The following KREMEN1 variants were observed in gnomAD, a reference collection of about 807,000 sequenced individuals.
The protein encoded by KREMEN1 is kremen protein 1.
KREMEN1 carries 30 observed loss-of-function variants against 46.5 expected under a neutral mutation model. That is an observed-to-expected ratio of 0.65 (90% CI 0.48 to 0.88). The LOEUF (loss-of-function observed/expected upper bound fraction) is 0.88. Ranked by LOEUF, KREMEN1 falls within the 40% of genes least tolerant of loss-of-function variation. The pLI is 0.00. For synonymous variants in KREMEN1, 214 were observed against 230.6 expected (o/e 0.93, Z 0.65); for missense variants, 533 against 596.9 (o/e 0.89, Z 1.11).
chr22:29,132,464 A>G (rs950551239), intron 5 of KREMEN1, among the ~76,000 whole-genome samples: 13 of 152,118 alleles, frequency 8.5e-5, no homozygotes, highest in African/African-American at 2.9e-4. Context: ...TCCAAAGTGG[A>G]TGTGCCATTT....
At chr22:29,081,807 C>G (rs1242479938) in intron 1 of KREMEN1, among the ~76,000 whole-genome samples, 1 of 152,220 alleles carries the variant, frequency 6.6e-6, no homozygotes, top group East Asian at 1.9e-4. Context: ...TAGGACTTAT[C>G]CCTGTGCCAA....
At chr22:29,095,310 G>T (rs1204647015) in intron 2 of KREMEN1, among the ~76,000 whole-genome samples, 1 of 152,186 alleles carries the variant, frequency 6.6e-6, no homozygotes, top group Non-Finnish European at 1.5e-5. Context: ...CATCTATGGT[G>T]CTTCAAAAGT....
chr22:29,131,790 G>A (rs1383738586), intron 5 of KREMEN1, among the ~76,000 whole-genome samples: 7 of 132,664 alleles, frequency 5.3e-5, no homozygotes, highest in African/African-American at 1.7e-4. Context: ...ATAGTTTTGT[G>A]TTTTGCAGAA....
At chr22:29,130,258 C>A (rs1179191798) in intron 5 of KREMEN1, among the ~76,000 whole-genome samples, 1 of 152,106 alleles carries the variant, frequency 6.6e-6, no homozygotes, top group Non-Finnish European at 1.5e-5. Flanking sequence ...TTCATGGAAC[C>A]TTTATTTTAG....
intron 1 of KREMEN1, among the ~76,000 whole-genome samples, chr22:29,084,043 A>G (rs889508092): frequency 1.3e-5 from 2 of 152,086 alleles, no homozygotes; most frequent in Admixed American, 1.3e-4. Context: ...GAGGTCCCGG[A>G]ACTGAGGGAT....
intron 3 of KREMEN1, among the ~76,000 whole-genome samples, chr22:29,114,481 C>CGT (rs1206440635): frequency 1.1e-5 from 1 of 88,402 alleles, no homozygotes; most frequent in Non-Finnish European, 2.0e-5. Flanking sequence ...AGTGAAACTC[C>CGT]GTGTCAAAAA....
intron 1 of KREMEN1, among the ~76,000 whole-genome samples, chr22:29,091,954 C>A (rs1481466621): frequency 6.6e-6 from 1 of 152,156 alleles, no homozygotes; most frequent in Non-Finnish European, 1.5e-5. Flanking sequence ...GGCCGAAGCA[C>A]AGCGAGTGAG....
intron 1 of KREMEN1, among the ~76,000 whole-genome samples, chr22:29,075,969 C>T (rs1043106717): frequency 5.9e-5 from 9 of 152,198 alleles, no homozygotes; most frequent in African/African-American, 1.7e-4. Context: ...AATGATCTCC[C>T]TTCTTTTCAT....
In KREMEN1 at chr22:29,145,747, C is replaced by A. The variant is rs182453053; in HGVS notation, c.*3635C>A. The A allele has an allele frequency of 3.0e-6, 3 of 985,430 alleles. No homozygotes were observed. Among genetic ancestry groups the A allele is most frequent in the South Asian group, 4.7e-5 (1 of 21,294 alleles). The allele number at this position is 985,430 out of a possible 1,614,324, so 61.0% of individuals were successfully genotyped here. ...AGGACAGGCTTGAGGCCTCTCTGGG[C>A]GTGAGCGAGGAAACCAGGCTGCTCT... On this transcript the variant is annotated 3_prime_UTR_variant, in exon 9 of 9. Coordinates refer to ENST00000400335, the MANE Select transcript of KREMEN1 (RefSeq NM_001039570.3).
intron 3 of KREMEN1, among the ~76,000 whole-genome samples, chr22:29,112,472 A>C (rs1341291027): frequency 6.6e-6 from 1 of 152,286 alleles, no homozygotes; most frequent in South Asian, 2.1e-4. Flanking sequence ...TTCAAATGTA[A>C]CAATGTTTAG....
chr22:29,124,017 C>A (rs1354358560), intron 4 of KREMEN1, among the ~76,000 whole-genome samples: 1 of 151,988 alleles, frequency 6.6e-6, no homozygotes, highest in Non-Finnish European at 1.5e-5. Context: ...AAGTTTGGCA[C>A]TTTTTTATAA....
intron 3 of KREMEN1, among the ~76,000 whole-genome samples, chr22:29,109,003 T>C (rs979829072): frequency 2.0e-5 from 3 of 152,190 alleles, no homozygotes; most frequent in African/African-American, 7.2e-5. Flanking sequence ...TTGCCCAGGC[T>C]GGTCTCAAAC....
In KREMEN1 at chr22:29,121,589, G is replaced by A. The variant is rs151282239; in HGVS notation, c.477+108G>A. On this transcript the variant is annotated intron_variant, in intron 4 of 8. Transcript: ENST00000400335. ...AAGTAAAATAAGCCAGACACAAAAG[G>A]CCACATATTGTATGATTCCACTTAC... 2.8e-3 allele frequency: 3,315 copies of A among 1,189,824 alleles called. 138 individuals carry two copies. In the Admixed American group the frequency reaches 0.063, roughly 22 times the overall value. The allele number at this position is 1,189,824 out of a possible 1,614,324, so 73.7% of individuals were successfully genotyped here.
At chr22:29,112,122 G>A (rs1038364651) in intron 3 of KREMEN1, among the ~76,000 whole-genome samples, 4 of 151,960 alleles carry the variant, frequency 2.6e-5, no homozygotes, top group East Asian at 3.9e-4. Context: ...CTTCCTCTTC[G>A]TGGACCAGCA....
chr22:29,122,147 A>T (rs2145815553), intron 4 of KREMEN1, among the ~76,000 whole-genome samples: 1 of 152,320 alleles, frequency 6.6e-6, no homozygotes, highest in South Asian at 2.1e-4. Context: ...AAAATCAGCA[A>T]AAAATTTGAA....
intron 3 of KREMEN1, 39 bp from the exon 4 acceptor site, chr22:29,121,318 A>G: frequency 6.2e-7 from 1 of 1,610,920 alleles, no homozygotes; most frequent in African/African-American, 1.3e-5. Context: ...TTTCACAGCC[A>G]GATGTTGCGA....
rs762203084 is a variant in KREMEN1, at chr22:29,140,328, A to G, written c.1170A>G (p.Thr390=). 2 of 1,614,180 alleles carry G rather than the reference A, an allele frequency of 1.2e-6. No homozygotes were observed. Among genetic ancestry groups the G allele is most frequent in the Non-Finnish European group, 1.7e-6 (2 of 1,179,984 alleles). Residue 390 remains threonine (T), a synonymous_variant, in exon 8 of 9, where the codon ACA becomes ACG. Coordinates refer to ENST00000400335, the MANE Select transcript of KREMEN1 (RefSeq NM_001039570.3). ...CAACTCTCCTCATCCTCACAGTCAC[A>G]GCCATTGTAGCAAAGATACTTCTGC... ...GLATLLILTV[T]AIVAKILLHV...
chr22:29,123,210 T>C (rs1396349174), intron 4 of KREMEN1, among the ~76,000 whole-genome samples: 1 of 151,990 alleles, frequency 6.6e-6, no homozygotes. Context: ...CATTTTAATT[T>C]GGACTTCATA....
intron 9 of KREMEN1, among the ~76,000 whole-genome samples, chr22:29,152,429 C>T (rs1363075173): frequency 2.0e-5 from 3 of 152,218 alleles, no homozygotes; most frequent in Non-Finnish European, 2.9e-5. Flanking sequence ...AACCATCAGC[C>T]GAACTCCCAG....
Sources: allele counts gnomAD v4.1 joint callset (sites outside exome capture counted in the v4.1 genomes callset), GRCh38; gene constraint gnomAD v4.1.1; transcripts MANE v1.5; gene names NCBI Gene and HGNC (gene_info 2026-07-23, HGNC 2026-07-21).